DIXDC1: variants seen among roughly 807,000 people sequenced by gnomAD.
The protein encoded by DIXDC1 is DIX domain containing 1.
Under a neutral mutation model 103.1 loss-of-function variants are expected in DIXDC1, and 64 were observed. The observed-to-expected ratio is 0.62, with a 90% confidence interval of 0.51 to 0.76. The LOEUF (loss-of-function observed/expected upper bound fraction) is 0.76, where lower values mean the gene tolerates loss of function less well. DIXDC1 is among the 30% of genes least tolerant of loss of function. The pLI is 0.00. For missense variants in DIXDC1, 759 were observed against 834.2 expected (o/e 0.91, Z 1.11); for synonymous variants, 266 against 298.5 (o/e 0.89, Z 1.12).
Position 111,995,569 on chromosome 11 carries a change from C to T in DIXDC1, c.1689+5C>T. Reference sequence around the variant, plus strand: ...CAGAAGAAACAAGAAAGAAAGGTAACCCTCTTGCTGTGGTATCTCTCTTAG... The same window carrying T: ...CAGAAGAAACAAGAAAGAAAGGTAATCCTCTTGCTGTGGTATCTCTCTTAG... On this transcript the variant is annotated splice_donor_5th_base_variant and intron_variant, in intron 16 of 19. Transcript: ENST00000440460. 1 of 1,613,692 alleles carries T rather than the reference C, an allele frequency of 6.2e-7. No individual in the cohort carries two copies. The highest frequency in any genetic ancestry group is 8.5e-7 in the Non-Finnish European group (1 of 1,179,870).
At chr11:111,979,334 C>T (rs1028125010) in intron 5 of DIXDC1, among the ~76,000 whole-genome samples, 1 of 152,092 alleles carries the variant, frequency 6.6e-6, no homozygotes, top group African/African-American at 2.4e-5. Flanking sequence ...AACTCCTGAT[C>T]GTGGTTGTGA....
intron 3 of DIXDC1, 134 bp from the exon 4 acceptor site, chr11:111,973,889 G>T: frequency 1.4e-6 from 1 of 729,154 alleles, no homozygotes; most frequent in Admixed American, 2.8e-5. Flanking sequence ...CCAGAGCTTT[G>T]TGAGGACTGA....
chr11:111,993,658 CTA>C lies in DIXDC1; in HGVS notation c.1366-9_1366-8del. 4 of 1,613,966 alleles carry C rather than the reference CTA, an allele frequency of 2.5e-6. No homozygotes were observed. In the South Asian group the frequency reaches 4.4e-5, roughly 18 times the overall value. On this transcript the variant is annotated splice_polypyrimidine_tract_variant and intron_variant, in intron 13 of 19. Transcript: ENST00000440460. Reference sequence around the variant, plus strand: ...AAGAAATCATTTTCTGATTTAGTGTCTATTTTGCAGGTGGATCTAGAGCGAGA... The same window carrying C: ...AAGAAATCATTTTCTGATTTAGTGTCTTTTGCAGGTGGATCTAGAGCGAGA...
At chr11:111,948,821 T>C (rs1312469139) in intron 1 of DIXDC1, among the ~76,000 whole-genome samples, 1 of 152,182 alleles carries the variant, frequency 6.6e-6, no homozygotes, top group African/African-American at 2.4e-5. Context: ...ACCTCCGCAC[T>C]TCCCCACACT....
Position 111,969,715 on chromosome 11 carries a change from G to A in DIXDC1, c.316+1077G>A, listed in dbSNP as rs77826456. On this transcript the variant is annotated intron_variant, in intron 3 of 19. Transcript: ENST00000440460. ...GCCTTTGGGTCTCATGACAATAGGG[G>A]CAGAACGGCTCATGTTGGATTATTA... Among the ~76,000 whole-genome samples, 400 of 152,272 alleles carry A rather than the reference G, an allele frequency of 2.6e-3. 1 individual carries two copies. Among genetic ancestry groups the A allele is most frequent in the South Asian group, 0.012 (59 of 4,828 alleles).
At position 111,995,114 on chromosome 11, in the gene DIXDC1, T is replaced by TA. The variant is rs782618054; in HGVS notation, c.1527+7dup. On this transcript the variant is annotated splice_region_variant and intron_variant, in intron 15 of 19. Coordinates refer to ENST00000440460, the MANE Select transcript of DIXDC1 (RefSeq NM_001037954.4). The stretch of plus-strand genomic sequence containing the variant: ...CTTCAGTCAGCAACAGAGGGGTACG[T>TA]ACCTGGAGTTTTGATGGAGTCCTGC... 1 of 1,612,860 alleles carries TA rather than the reference T, an allele frequency of 6.2e-7. No homozygotes were observed. The highest frequency in any genetic ancestry group is 1.1e-5 in the South Asian group (1 of 90,980).
At chr11:111,954,017 G>C (rs782737674) in intron 1 of DIXDC1, among the ~76,000 whole-genome samples, 1 of 152,084 alleles carries the variant, frequency 6.6e-6, no homozygotes, top group Admixed American at 6.6e-5. Flanking sequence ...ACCAGGGACC[G>C]GTTTCATGGA....
chr11:112,000,812 A>T (rs187852636), intron 17 of DIXDC1, among the ~76,000 whole-genome samples: 1 of 152,208 alleles, frequency 6.6e-6, no homozygotes, highest in African/African-American at 2.4e-5. Context: ...AATGGTGTCA[A>T]AAATGGAGAA....
chr11:111,988,828 T>C (rs1555174165), intron 9 of DIXDC1, 177 bp from the exon 10 acceptor site: 1 of 460,534 alleles, frequency 2.2e-6, no homozygotes. Context: ...GTTCTCTTCT[T>C]GTTTCTGTGG....
chr11:111,994,955 T>C, intron 14 of DIXDC1, 64 bp from the exon 15 acceptor site: 3 of 1,452,564 alleles, frequency 2.1e-6, no homozygotes, highest in Non-Finnish European at 2.9e-6. Context: ...AGAAGAAAAA[T>C]AAGATAGCAC....
At chr11:112,001,101 A>C (rs1291662255) in intron 17 of DIXDC1, among the ~76,000 whole-genome samples, 1 of 152,248 alleles carries the variant, frequency 6.6e-6, no homozygotes, top group Non-Finnish European at 1.5e-5. Context: ...ATACAGTGGA[A>C]TATTATTCAC....
chr11:111,985,413 G>T (rs1379165978), intron 8 of DIXDC1, 92 bp downstream of exon 8: 1 of 1,018,782 alleles, frequency 9.8e-7, no homozygotes, highest in Non-Finnish European at 1.4e-6. Context: ...TTCTTGAAAT[G>T]CTGTCTTCCT....
At chr11:111,959,461 C>T (rs1284988721) in intron 1 of DIXDC1, among the ~76,000 whole-genome samples, 1 of 152,228 alleles carries the variant, frequency 6.6e-6, no homozygotes, top group Admixed American at 6.5e-5. Flanking sequence ...GCTGCCCACC[C>T]CACCACAGTC....
intron 3 of DIXDC1, among the ~76,000 whole-genome samples, chr11:111,972,666 C>G (rs931587003): frequency 2.0e-5 from 3 of 152,204 alleles, no homozygotes; most frequent in Admixed American, 6.5e-5. Flanking sequence ...TGGGCTCTGC[C>G]TATGCTGAAC....
chr11:111,962,346 G>A lies in DIXDC1; in HGVS notation c.61-2203G>A, dbSNP rs1023587833. ...CAAATACAAAAATTAGCCCGGCGTGGTGGCAGGCACCCGTAGTCCCAGCTA... is the reference window on the plus strand; with the variant it reads ...CAAATACAAAAATTAGCCCGGCGTGATGGCAGGCACCCGTAGTCCCAGCTA... On this transcript the variant is annotated intron_variant, in intron 1 of 19. Transcript: ENST00000440460. Among the ~76,000 whole-genome samples, 9 of 152,242 alleles carry A rather than the reference G, an allele frequency of 5.9e-5. No homozygotes were observed. In the East Asian group the frequency reaches 1.5e-3, roughly 26 times the overall value.
chr11:111,997,934 C>T (rs1277039630), intron 17 of DIXDC1, among the ~76,000 whole-genome samples: 3 of 152,162 alleles, frequency 2.0e-5, no homozygotes, highest in Admixed American at 6.5e-5. Context: ...ATTTCTCTTA[C>T]TCCTGTACAT....
rs1380783511 is a variant in DIXDC1, at chr11:112,020,772, A to G, written c.*1736A>G. 2.0e-5 allele frequency: 3 copies of G among 152,276 alleles called. No homozygotes were observed. The East Asian group carries it at 5.8e-4, about 29-fold the overall frequency. 9.4% of individuals were successfully genotyped at this position (152,276 alleles called of 1,614,324 possible). On this transcript the variant is annotated 3_prime_UTR_variant, in exon 20 of 20. Coordinates refer to ENST00000440460, the MANE Select transcript of DIXDC1 (RefSeq NM_001037954.4). The stretch of plus-strand genomic sequence containing the variant: ...CTGGCAGAGAGAAGGAGCTCAAAAG[A>G]TACTTGATGTCTTTCATGTAAGTTT...
At position 111,975,662 on chromosome 11, in the gene DIXDC1, T is replaced by G. The variant is rs192202060; in HGVS notation, c.656+679T>G. The G allele has an allele frequency of 5.1e-5, 50 of 985,698 alleles. No homozygotes were observed. In the Admixed American group the frequency reaches 2.5e-3, roughly 48 times the overall value. The allele number at this position is 985,698 out of a possible 1,614,324, so 61.1% of individuals were successfully genotyped here. ...CTCCCCAGATCATGTTTTTACTAACTTCATTTTGTTGCTGAATCATAATTT... is the reference window on the plus strand; with the variant it reads ...CTCCCCAGATCATGTTTTTACTAACGTCATTTTGTTGCTGAATCATAATTT... On this transcript the variant is annotated intron_variant, in intron 5 of 19. Coordinates refer to ENST00000440460, the MANE Select transcript of DIXDC1 (RefSeq NM_001037954.4).
Position 111,958,053 on chromosome 11 carries a change from C to T in DIXDC1, c.61-6496C>T, listed in dbSNP as rs1555170726. On this transcript the variant is annotated intron_variant, in intron 1 of 19. Transcript: ENST00000440460. This position sits in a 1 kb window ranked among gnomAD's most constrained non-coding sequence, Gnocchi z 4.2. ...GCAGCTGTCCAGCTGTAGCTGCAGA[C>T]CTGGGCATCCCTGTGCTCTTGGGGG... is the stretch of plus-strand genomic sequence containing the variant. Among the ~76,000 whole-genome samples, 5 of 152,046 alleles carry T rather than the reference C, an allele frequency of 3.3e-5. No homozygotes were observed. The highest frequency in any genetic ancestry group is 7.4e-5 in the Non-Finnish European group (5 of 67,980).
Sources: gnomAD v4.1 joint callset for allele counts (sites outside exome capture counted in the v4.1 genomes callset) on GRCh38, gnomAD v4.1.1 for gene constraint, Gnocchi (gnomAD v3.1) non-coding constraint, MANE v1.5 for transcripts, NCBI Gene and HGNC (gene_info 2026-07-23, HGNC 2026-07-21) for gene names.